Variants in TENM3 observed in about 807,000 individuals in gnomAD.
The protein encoded by TENM3 is teneurin transmembrane protein 3.
TENM3 carries 63 observed loss-of-function variants against 255.1 expected under a neutral mutation model. The observed-to-expected ratio is 0.25, with a 90% confidence interval of 0.20 to 0.30. The LOEUF is 0.30. Ranked by LOEUF, TENM3 falls within the 10% of genes least tolerant of loss-of-function variation. TENM3 has a pLI of 1.00. For synonymous variants in TENM3, 1,306 were observed against 1,322.3 expected (o/e 0.99, Z 0.27); for missense variants, 2,929 against 3,461.1 (o/e 0.85, Z 3.86).
the TENM3 span, among the ~76,000 whole-genome samples, chr4:181,699,312 C>A: frequency 6.6e-6 from 1 of 151,470 alleles, no homozygotes; most frequent in Admixed American, 6.6e-5. Context: ...ACATCTGTAG[C>A]CCTAGCTACT....
the TENM3 span, among the ~76,000 whole-genome samples, chr4:181,476,784 T>C: frequency 6.6e-6 from 1 of 152,166 alleles, no homozygotes; most frequent in Non-Finnish European, 1.5e-5. Flanking sequence ...AATTACCTCT[T>C]CCATCCACAT....
At chr4:182,159,615 T>A (rs1750969462) in intron 1 of TENM3, among the ~76,000 whole-genome samples, 2 of 152,116 alleles carry the variant, frequency 1.3e-5, no homozygotes, top group Non-Finnish European at 2.9e-5. Context: ...AGAATCTTAC[T>A]TTTAATTAAT....
At chr4:182,619,292 A>G (rs921452958) in intron 4 of TENM3, among the ~76,000 whole-genome samples, 6 of 152,054 alleles carry the variant, frequency 3.9e-5, no homozygotes, top group East Asian at 1.9e-4. Flanking sequence ...TTAGCTGGGC[A>G]TGGTGGCACA....
the TENM3 span, among the ~76,000 whole-genome samples, chr4:182,116,772 A>T: frequency 6.6e-6 from 1 of 152,200 alleles, no homozygotes; most frequent in Non-Finnish European, 1.5e-5. Context: ...ATATTCCATG[A>T]TCTGGATATA....
rs771284142 is a variant in TENM3 at position 182,601,041 on chromosome 4, A to G, written c.629A>G (p.Asn210Ser). The change falls in exon 4 of 28, where the codon AAT (asparagine) becomes AGT (serine). Residue 210 changes from asparagine to serine, a missense_variant. Physicochemically the swap from Asn to Ser is conservative, Grantham distance 46. Coordinates refer to ENST00000511685, the MANE Select transcript of TENM3 (RefSeq NM_001080477.4). ...ITSLNRNSLTNRRNQSPAPPA... is the reference protein window; with the variant it reads ...ITSLNRNSLTSRRNQSPAPPA... ...TCTCTCAACAGAAACTCCCTGACCA[A>G]TAGAAGGAACCAGAGTCCGGCCCCG... 1.2e-6 allele frequency: 2 copies of G among 1,613,398 alleles called. No individual in the cohort carries two copies. The highest frequency in any genetic ancestry group is 4.5e-5 in the East Asian group (2 of 44,858).
intron 7 of TENM3, among the ~76,000 whole-genome samples, chr4:182,676,498 C>T (rs1755673249): frequency 6.6e-6 from 1 of 152,168 alleles, no homozygotes; most frequent in Non-Finnish European, 1.5e-5. Flanking sequence ...TCTTTAGTCT[C>T]TATATTCCAA....
the TENM3 span, among the ~76,000 whole-genome samples, chr4:181,640,414 C>T: frequency 6.6e-6 from 1 of 152,132 alleles, no homozygotes; most frequent in African/African-American, 2.4e-5. Context: ...CACAATTGCC[C>T]ATCACTGCTT....
At chr4:182,057,194 G>A in the TENM3 span, among the ~76,000 whole-genome samples, 1 of 151,540 alleles carries the variant, frequency 6.6e-6, no homozygotes, top group Non-Finnish European at 1.5e-5. Context: ...GTATTTAGAG[G>A]GGGACTGGAT....
chr4:181,899,671 G>T, the TENM3 span, among the ~76,000 whole-genome samples: 1 of 151,960 alleles, frequency 6.6e-6, no homozygotes. Flanking sequence ...GGGTTCAAGT[G>T]ATTCTCCTGC....
chr4:182,006,583 C>A, the TENM3 span, among the ~76,000 whole-genome samples: 6 of 151,906 alleles, frequency 3.9e-5, no homozygotes, highest in African/African-American at 1.5e-4. Context: ...TCCCCTTTAT[C>A]ATTTCTTATT....
At chr4:181,748,343 C>T in the TENM3 span, among the ~76,000 whole-genome samples, 2 of 151,940 alleles carry the variant, frequency 1.3e-5, no homozygotes, top group Admixed American at 1.3e-4. Context: ...TTGTACAGAC[C>T]CTGAATATTT....
Position 182,653,818 on chromosome 4 carries a change from G to A in TENM3, c.1036G>A (p.Asp346Asn), listed in dbSNP as rs759347698. The A allele has an allele frequency of 1.2e-6, 2 of 1,612,880 alleles. No homozygotes were observed. The highest frequency in any genetic ancestry group is 1.7e-6 in the Non-Finnish European group (2 of 1,179,362). Residue 346 changes from aspartate to asparagine, a missense_variant, in exon 6 of 28, where the codon GAC becomes AAC. This residue lies in a region of TENM3 where 1,608 missense variants were observed against 1,884.4 expected (regional missense o/e 0.85). Coordinates refer to ENST00000511685, the MANE Select transcript of TENM3 (RefSeq NM_001080477.4). ...LNWQLQQTEN[D>N]TFENGKVNSD... ...CTGGCAGCTACAGCAGACTGAAAAT[G>A]ACACATTTGAGAATGGAAAAGTGAA...
intron 7 of TENM3, among the ~76,000 whole-genome samples, chr4:182,675,837 A>T (rs1022109997): frequency 3.3e-5 from 5 of 152,256 alleles, no homozygotes; most frequent in African/African-American, 9.6e-5. Context: ...TGTATATAAC[A>T]TTTAAGATTA....
intron 4 of TENM3, among the ~76,000 whole-genome samples, chr4:182,624,375 A>C (rs2152461045): frequency 6.6e-6 from 1 of 152,234 alleles, no homozygotes; most frequent in African/African-American, 2.4e-5. Context: ...TCGCTACCTG[A>C]GTTTTGCGTG....
chr4:182,530,140 C>T (rs1460683009), intron 3 of TENM3, among the ~76,000 whole-genome samples: 3 of 152,186 alleles, frequency 2.0e-5, no homozygotes, highest in East Asian at 3.9e-4. Context: ...ATATTCATCT[C>T]ATAGTCAGAG....
intron 3 of TENM3, among the ~76,000 whole-genome samples, chr4:182,413,345 G>A (rs1172788657): frequency 2.6e-5 from 4 of 152,090 alleles, no homozygotes; most frequent in South Asian, 4.1e-4. Context: ...GGCTGGGCAC[G>A]CTGGCTCATA....
chr4:181,473,903 G>T, the TENM3 span, among the ~76,000 whole-genome samples: 1 of 145,240 alleles, frequency 6.9e-6, no homozygotes. Context: ...ACTGTATAAA[G>T]TATACAGTAT....
chr4:181,593,021 A>T, the TENM3 span, among the ~76,000 whole-genome samples: 1 of 152,190 alleles, frequency 6.6e-6, no homozygotes, highest in South Asian at 2.1e-4. Flanking sequence ...TGGGAGTTTG[A>T]TTTCGGTTTG....
intron 1 of TENM3, among the ~76,000 whole-genome samples, chr4:182,157,819 G>A (rs1750811102): frequency 6.6e-6 from 1 of 152,166 alleles, no homozygotes; most frequent in Admixed American, 6.5e-5. Context: ...GGCATCAACG[G>A]TAGCAAGCCC....
Sources: allele counts gnomAD v4.1 joint callset (sites outside exome capture counted in the v4.1 genomes callset), GRCh38; gene constraint gnomAD v4.1.1; regional missense constraint gnomAD v4.1.1; transcripts MANE v1.5; gene names NCBI Gene and HGNC (gene_info 2026-07-23, HGNC 2026-07-21).